TM4SF20: variants seen among roughly 807,000 people sequenced by gnomAD.
The protein encoded by TM4SF20 is transmembrane 4 L six family member 20.
A neutral mutation model predicts 15.1 loss-of-function variants in TM4SF20; 13 were observed. That is an observed-to-expected ratio of 0.86 (90% CI 0.56 to 1.36). The LOEUF is 1.36. Ranked by LOEUF, TM4SF20 falls within the 40% of genes most tolerant of loss-of-function variation. TM4SF20 has a pLI of 0.00. For synonymous variants in TM4SF20, 92 were observed against 96.6 expected, an observed-to-expected ratio of 0.95 and a Z score of 0.28; for missense variants, 282 against 268.4, an observed-to-expected ratio of 1.05 and a Z score of -0.35.
Position 227,363,959 on chromosome 2 carries a change from G to A in TM4SF20, c.455C>T (p.Ala152Val). 1.2e-5 allele frequency: 20 copies of A among 1,613,954 alleles called. No individual in the cohort carries two copies. The highest frequency in any genetic ancestry group is 1.7e-5 in the Non-Finnish European group (20 of 1,179,962). Residue 152 changes from alanine to valine, a missense_variant, in exon 4 of 4, where the codon GCA becomes GTA. By Grantham distance (64) the Ala-to-Val change is moderately conservative. Transcript: ENST00000304568. ...NLQWFFNDSCAPPTGFNKPTS... is the reference protein window; with the variant it reads ...NLQWFFNDSCVPPTGFNKPTS... ...GGGTTTATTGAAACCAGTAGGAGGT[G>A]CACAAGAGTCATTGAAAAACCACTG...
chr2:227,380,066 C>T (rs150529825), upstream of TM4SF20, among the ~76,000 whole-genome samples: 2 of 152,332 alleles, frequency 1.3e-5, no homozygotes, highest in East Asian at 1.9e-4. Context: ...CGGTGGCTCA[C>T]GCCTGTAATC....
chr2:227,380,653 A>G (rs1400950827), upstream of TM4SF20, among the ~76,000 whole-genome samples: 1 of 152,260 alleles, frequency 6.6e-6, no homozygotes, highest in African/African-American at 2.4e-5. Context: ...TTGGGACATT[A>G]GGCAGCTCTA....
At chr2:227,370,810 A>G (rs1028604202) in intron 2 of TM4SF20, 105 bp downstream of exon 2, 3 of 880,224 alleles carry the variant, frequency 3.4e-6, no homozygotes, top group Admixed American at 1.7e-5. Flanking sequence ...CTGTCAGTGG[A>G]GCCCCACTGT....
intron 2 of TM4SF20, among the ~76,000 whole-genome samples, chr2:227,370,143 A>C (rs2076413369): frequency 6.6e-6 from 1 of 152,200 alleles, no homozygotes; most frequent in Non-Finnish European, 1.5e-5. Context: ...TTGGGGGAAA[A>C]AAACCTGGCA....
At chr2:227,366,468 C>G (rs535660202) in intron 2 of TM4SF20, among the ~76,000 whole-genome samples, 2 of 151,998 alleles carry the variant, frequency 1.3e-5, no homozygotes, top group Non-Finnish European at 2.9e-5. Flanking sequence ...TGGCTCACAC[C>G]TGTAATCTCA....
At chr2:227,375,509 A>G (rs2076443962) in intron 1 of TM4SF20, among the ~76,000 whole-genome samples, 1 of 152,150 alleles carries the variant, frequency 6.6e-6, no homozygotes. Context: ...TTTTCTTTTG[A>G]GATGGAGTCT....
intron 1 of TM4SF20, among the ~76,000 whole-genome samples, chr2:227,378,404 G>C (rs915167000): frequency 1.3e-5 from 2 of 152,132 alleles, no homozygotes; most frequent in African/African-American, 4.8e-5. Context: ...AAGTGCCTCG[G>C]GTGATTCATG....
chr2:227,380,148 G>T (rs1411364519), upstream of TM4SF20, among the ~76,000 whole-genome samples: 1 of 152,170 alleles, frequency 6.6e-6, no homozygotes, highest in Non-Finnish European at 1.5e-5. Context: ...GGCCAACATG[G>T]CAAAACCCTC....
chr2:227,366,255 A>C lies in TM4SF20; in HGVS notation c.250-11T>G, dbSNP rs1299393912. The C allele has an allele frequency of 6.2e-7, 1 of 1,609,058 alleles. No homozygotes were observed. The highest frequency in any genetic ancestry group is 1.3e-5 in the African/African-American group (1 of 74,502). ...TGATGAAAGAAACATCTGAAAAATA[A>C]AATAGAGCCATTTGCACATGTTATG... On this transcript the variant is annotated splice_polypyrimidine_tract_variant and intron_variant, in intron 2 of 3. Transcript: ENST00000304568.
Position 227,363,221 on chromosome 2 carries a change from C to G in TM4SF20, c.*503G>C, listed in dbSNP as rs2076372124. ...CTTGAGTCCATGAGTTCGGGACCAGCCTGGGCAATATGGAAAACCCCCATC... is the reference window on the plus strand; with the variant it reads ...CTTGAGTCCATGAGTTCGGGACCAGGCTGGGCAATATGGAAAACCCCCATC... On this transcript the variant is annotated 3_prime_UTR_variant, in exon 4 of 4. Coordinates refer to ENST00000304568, the MANE Select transcript of TM4SF20 (RefSeq NM_024795.4). The G allele has an allele frequency of 6.5e-6, 1 of 152,990 alleles. No individual in the cohort carries two copies. Among genetic ancestry groups the G allele is most frequent in the Non-Finnish European group, 1.5e-5 (1 of 68,782 alleles). The allele number at this position is 152,990 out of a possible 1,614,324, so 9.5% of individuals were successfully genotyped here.
intron 2 of TM4SF20, 32 bp from the exon 3 acceptor site, chr2:227,366,276 T>G (rs1383993273): frequency 1.3e-6 from 2 of 1,595,782 alleles, no homozygotes; most frequent in Non-Finnish European, 1.7e-6. Context: ...TTTGCACATG[T>G]TATGACATGT....
In TM4SF20 at chr2:227,379,248, C is replaced by T; in HGVS notation, c.21G>A (p.Trp7Ter). Residue 7 changes from tryptophan (W) to a stop codon, truncating the protein, a stop_gained, in exon 1 of 4, where the codon TGG (tryptophan) becomes TGA (stop). Transcript: ENST00000304568. LOFTEE classifies it high-confidence loss of function. MTCCEG[W>*]TSCNGFSLLV... Reference sequence around the variant, plus strand: ...GCAGGCTGAATCCATTGCAGGATGTCCATCCTTCGCAGCAGGTCATGGTCA... The same window carrying T: ...GCAGGCTGAATCCATTGCAGGATGTTCATCCTTCGCAGCAGGTCATGGTCA... 6.2e-7 allele frequency: 1 copy of T among 1,614,046 alleles called. No homozygotes were observed. Among genetic ancestry groups the T allele is most frequent in the Non-Finnish European group, 8.5e-7 (1 of 1,179,946 alleles).
In TM4SF20 at chr2:227,371,006, T is replaced by C. The variant is rs774519094; in HGVS notation, c.184-26A>G. 3 of 1,595,162 alleles carry C rather than the reference T, an allele frequency of 1.9e-6. No homozygotes were observed. The Admixed American group carries it at 5.0e-5, about 27-fold the overall frequency. ...CTGGAAATGACATCAACAGGAAAGA[T>C]GAGTATTATAACTTCTCATCAGAAG... On this transcript the variant is annotated intron_variant, in intron 1 of 3. Coordinates refer to ENST00000304568, the MANE Select transcript of TM4SF20 (RefSeq NM_024795.4).
intron 2 of TM4SF20, among the ~76,000 whole-genome samples, chr2:227,366,769 T>G (rs2106489176): frequency 6.9e-6 from 1 of 144,202 alleles, no homozygotes; most frequent in Admixed American, 7.1e-5. Flanking sequence ...TGGTTTGGCT[T>G]GTCACTGTCT....
At chr2:227,373,958 G>C (rs2076434177) in intron 1 of TM4SF20, among the ~76,000 whole-genome samples, 1 of 149,268 alleles carries the variant, frequency 6.7e-6, no homozygotes, top group African/African-American at 2.5e-5. Flanking sequence ...ATGTGGAAGA[G>C]GCTGGTTTAT....
intron 1 of TM4SF20, among the ~76,000 whole-genome samples, chr2:227,373,726 C>A (rs1043968227): frequency 2.6e-5 from 4 of 152,020 alleles, no homozygotes; most frequent in Non-Finnish European, 5.9e-5. Context: ...ATCAGGAGAT[C>A]GAGACCATCC....
chr2:227,377,756 C>T (rs1417931680), intron 1 of TM4SF20, among the ~76,000 whole-genome samples: 3 of 151,784 alleles, frequency 2.0e-5, no homozygotes, highest in African/African-American at 4.8e-5. Flanking sequence ...CACTTGTAAG[C>T]GGGAGGTAAA....
At chr2:227,374,800 A>G (rs886641529) in intron 1 of TM4SF20, among the ~76,000 whole-genome samples, 1 of 151,846 alleles carries the variant, frequency 6.6e-6, no homozygotes, top group East Asian at 2.0e-4. Context: ...TATCAAAACT[A>G]TATTTTGCAG....
chr2:227,377,081 G>C (rs1286730306), intron 1 of TM4SF20, among the ~76,000 whole-genome samples: 1 of 152,126 alleles, frequency 6.6e-6, no homozygotes, highest in East Asian at 1.9e-4. Context: ...AGGAGATGTA[G>C]GTATGTGTCA....
Sources: gnomAD v4.1 joint callset for allele counts (sites outside exome capture counted in the v4.1 genomes callset) on GRCh38, gnomAD v4.1.1 for gene constraint, MANE v1.5 for transcripts, NCBI Gene and HGNC (gene_info 2026-07-23, HGNC 2026-07-21) for gene names.